AP2A2: variants seen among roughly 807,000 people sequenced by gnomAD.
AP2A2 encodes the protein AP-2 complex subunit alpha-2.
A neutral mutation model predicts 104.2 loss-of-function variants in AP2A2; 32 were observed. The ratio of observed to expected loss-of-function variants is 0.31; its 90% CI spans 0.23 to 0.41. The LOEUF (loss-of-function observed/expected upper bound fraction) is 0.41. Among genes scored for constraint, AP2A2 ranks in the 10% least tolerant of loss-of-function variants. AP2A2 has a pLI of 1.00. For synonymous variants in AP2A2, 539 were observed against 533.3 expected (o/e 1.01, Z -0.15); for missense variants, 912 against 1,261.0 (o/e 0.72, Z 4.19).
chr11:996,910 C>T (rs12362663), intron 14 of AP2A2, among the ~76,000 whole-genome samples: 11 of 103,484 alleles, frequency 1.1e-4, no homozygotes, highest in Non-Finnish European at 2.0e-4. Context: ...CCGTCCTGAC[C>T]GAGAGCTGTG....
chr11:989,067 G>A (rs1037105570), intron 10 of AP2A2, among the ~76,000 whole-genome samples: 1 of 150,328 alleles, frequency 6.7e-6, no homozygotes, highest in African/African-American at 2.4e-5. Context: ...GGTGGCTCAC[G>A]CCTGTACACC....
At chr11:931,462 A>C (rs1288278692) in intron 1 of AP2A2, among the ~76,000 whole-genome samples, 2 of 152,252 alleles carry the variant, frequency 1.3e-5, no homozygotes, top group African/African-American at 4.8e-5. Context: ...AATTGACTGC[A>C]AAACAATCAG....
intron 1 of AP2A2, among the ~76,000 whole-genome samples, chr11:956,413 TCTGATGA>T (rs779131729): frequency 1.2e-4 from 18 of 152,216 alleles, no homozygotes; most frequent in Non-Finnish European, 2.4e-4. Context: ...CCCACCTGCC[TCTGATGA>T]GGCACCACCA....
chr11:944,611 G>A (rs1853772582), intron 1 of AP2A2, among the ~76,000 whole-genome samples: 2 of 152,136 alleles, frequency 1.3e-5, no homozygotes, highest in Admixed American at 1.3e-4. Context: ...TATTAAGGGG[G>A]GAAGGTGATT....
rs1184727382 is a variant in AP2A2, at chr11:940,716, T to TG, written c.67+14629dup. On this transcript the variant is annotated intron_variant, in intron 1 of 21. Coordinates refer to ENST00000448903, the MANE Select transcript of AP2A2 (RefSeq NM_012305.4). ...GGTTTGTTTGGTCTCTGGCCCATGCTGTGAGGTTCTGAGCTCTCACTTTGT... is the reference window on the plus strand; with the variant it reads ...GGTTTGTTTGGTCTCTGGCCCATGCTGGTGAGGTTCTGAGCTCTCACTTTGT... The TG allele has an allele frequency of 7.7e-4, 333 of 431,194 alleles. 6 individuals carry two copies. Among genetic ancestry groups the TG allele is most frequent in the South Asian group, 5.4e-3 (327 of 60,266 alleles). 26.7% of individuals were successfully genotyped at this position (431,194 alleles called of 1,614,324 possible).
chr11:959,591 C>CTCCCACACTAAAGTG (rs1854359109), intron 2 of AP2A2, 86 bp downstream of exon 2: 2 of 860,804 alleles, frequency 2.3e-6, no homozygotes, highest in Non-Finnish European at 3.7e-6. Flanking sequence ...GTCTTCTTTT[C>CTCCCACACTAAAGTG]TCCCACACTA....
At chr11:991,072 A>T (rs546442674) in intron 10 of AP2A2, among the ~76,000 whole-genome samples, 1 of 145,520 alleles carries the variant, frequency 6.9e-6, no homozygotes, top group South Asian at 2.2e-4. Flanking sequence ...TCAGCCGGGT[A>T]TGGTGCTCCC....
intron 10 of AP2A2, among the ~76,000 whole-genome samples, chr11:991,285 A>G (rs550023367): frequency 2.0e-5 from 3 of 152,318 alleles, no homozygotes; most frequent in Non-Finnish European, 2.9e-5. Context: ...CTTGCCATCC[A>G]TGGAGGGGGA....
chr11:943,937 G>A (rs1853743080), intron 1 of AP2A2, among the ~76,000 whole-genome samples: 1 of 145,654 alleles, frequency 6.9e-6, no homozygotes, highest in African/African-American at 2.6e-5. Flanking sequence ...CCCGACCGGA[G>A]ACGCAGGTGG....
chr11:998,831 T>C (rs1171366217), intron 14 of AP2A2, among the ~76,000 whole-genome samples: 1 of 152,140 alleles, frequency 6.6e-6, no homozygotes, highest in Non-Finnish European at 1.5e-5. Context: ...GTAGCTGGGA[T>C]TACAGGCGTG....
chr11:943,299 A>G (rs1052407141), intron 1 of AP2A2: 1 of 152,250 alleles, frequency 6.6e-6, no homozygotes, highest in African/African-American at 2.4e-5. Flanking sequence ...GTCGTGATCG[A>G]TTGAGCAAGC....
At chr11:985,684 T>C (rs2133709776) in intron 8 of AP2A2, 102 bp downstream of exon 8, 6 of 1,510,662 alleles carry the variant, frequency 4.0e-6, no homozygotes, top group East Asian at 4.8e-5. Context: ...GTCCACTCCA[T>C]GGGCCTCCCC....
intron 5 of AP2A2, among the ~76,000 whole-genome samples, chr11:980,922 C>T (rs1855216547): frequency 1.3e-5 from 2 of 152,260 alleles, no homozygotes; most frequent in South Asian, 4.1e-4. Context: ...CATGCTTGAC[C>T]TGCATGGCTG....
At chr11:973,854 T>C (rs1268788402) in intron 4 of AP2A2, among the ~76,000 whole-genome samples, 1 of 152,222 alleles carries the variant, frequency 6.6e-6, no homozygotes, top group Admixed American at 6.5e-5. Context: ...CTCTGAGGTT[T>C]CTGTCCACTG....
At chr11:938,933 T>C (rs750561051) in intron 1 of AP2A2, among the ~76,000 whole-genome samples, 11 of 152,158 alleles carry the variant, frequency 7.2e-5, no homozygotes, top group Non-Finnish European at 1.5e-4. Context: ...CTTACTTAAA[T>C]GTTTTAAAAG....
At chr11:997,208 A>C (rs1406434654) in intron 14 of AP2A2, among the ~76,000 whole-genome samples, 7 of 152,070 alleles carry the variant, frequency 4.6e-5, no homozygotes, top group Non-Finnish European at 1.5e-5. Context: ...AGGCCAGGAC[A>C]TTTTACTTCT....
At chr11:955,218 C>T (rs181852876) in intron 1 of AP2A2, among the ~76,000 whole-genome samples, 23 of 152,346 alleles carry the variant, frequency 1.5e-4, no homozygotes, top group South Asian at 6.2e-4. Context: ...CATAGGCACA[C>T]GCACACTGGC....
rs1464788198 is a variant in AP2A2, at chr11:942,544, G to A, written c.67+16456G>A. ...AATGGAAATTTATCTCAGTAGTTTA[G>A]TCAGTAGATTCTGTTATTGGTAATG... On this transcript the variant is annotated intron_variant, in intron 1 of 21. Coordinates refer to ENST00000448903, the MANE Select transcript of AP2A2 (RefSeq NM_012305.4). 2.0e-5 allele frequency: 3 copies of A among 152,234 alleles called. No individual in the cohort carries two copies. The South Asian group carries it at 6.2e-4, about 31-fold the overall frequency. 9.4% of individuals were successfully genotyped at this position (152,234 alleles called of 1,614,324 possible).
At chr11:987,013 TGAAG>T in intron 9 of AP2A2, 60 bp downstream of exon 9, 1 of 1,525,320 alleles carries the variant, frequency 6.6e-7, no homozygotes, top group Non-Finnish European at 8.9e-7. Context: ...GGTCTTCCTG[TGAAG>T]GCTGGGGGTA....
Sources: allele counts gnomAD v4.1 joint callset (sites outside exome capture counted in the v4.1 genomes callset), GRCh38; gene constraint gnomAD v4.1.1; transcripts MANE v1.5; gene names NCBI Gene and HGNC (gene_info 2026-07-23, HGNC 2026-07-21).